The following BTRC variants were observed in gnomAD, a reference collection of about 807,000 sequenced individuals.
The protein encoded by BTRC is F-box/WD repeat-containing protein 1A.
BTRC carries 42 observed loss-of-function variants against 85.5 expected under a neutral mutation model. The ratio of observed to expected loss-of-function variants is 0.49; its 90% CI spans 0.38 to 0.64. The LOEUF (loss-of-function observed/expected upper bound fraction) is 0.64, where lower values mean the gene tolerates loss of function less well. BTRC is among the 30% of genes least tolerant of loss of function. The pLI, the probability that BTRC is intolerant of heterozygous loss-of-function variation, is 0.00. For synonymous variants in BTRC, 255 were observed against 263.3 expected (o/e 0.97, Z 0.30); for missense variants, 594 against 743.5 (o/e 0.80, Z 2.34).
intron 1 of BTRC, among the ~76,000 whole-genome samples, chr10:101,426,759 A>G (rs1057055310): frequency 1.3e-5 from 2 of 152,184 alleles, no homozygotes; most frequent in African/African-American, 4.8e-5. Flanking sequence ...TTTTAATTTT[A>G]AAAAGAGCCC....
At chr10:101,402,209 T>A (rs1158056531) in intron 1 of BTRC, among the ~76,000 whole-genome samples, 1 of 152,218 alleles carries the variant, frequency 6.6e-6, no homozygotes, top group Non-Finnish European at 1.5e-5. Flanking sequence ...GGTTATGTTT[T>A]TTTAAAGCAT....
chr10:101,370,667 T>C (rs1182133365), intron 1 of BTRC, among the ~76,000 whole-genome samples: 2 of 129,372 alleles, frequency 1.5e-5, no homozygotes, highest in African/African-American at 2.9e-5. Flanking sequence ...CCTCCTGGGC[T>C]CAAGCGATCC....
chr10:101,382,170 A>C lies in BTRC; in HGVS notation c.48+27942A>C, dbSNP rs1942951950. 3.3e-5 allele frequency among the ~76,000 whole-genome samples: 5 copies of C among 151,482 alleles called. No homozygotes were observed. In the South Asian group the frequency reaches 1.0e-3, roughly 32 times the overall value. On this transcript the variant is annotated intron_variant, in intron 1 of 14. Coordinates refer to ENST00000370187, the MANE Select transcript of BTRC (RefSeq NM_033637.4). ...GTTAATTTTTGTATTTTTAGTAGAG[A>C]TGGGGTTTCACCATGCTGGCCAGGC...
rs539013603 is a variant in BTRC, at chr10:101,488,582, C to T, written c.324+9125C>T. Among the ~76,000 whole-genome samples the T allele has an allele frequency of 3.3e-5, 5 of 152,228 alleles. No homozygotes were observed. In the South Asian group the frequency reaches 1.0e-3, roughly 32 times the overall value. ...GCCAAATCAGCTTCTGTTTCCTAGA[C>T]CTTTTTTGGAAGGCTTTAATTTTGG... On this transcript the variant is annotated intron_variant, in intron 4 of 14. Transcript: ENST00000370187.
At chr10:101,366,779 TATATA>T (rs1202583978) in intron 1 of BTRC, among the ~76,000 whole-genome samples, 92 of 109,868 alleles carry the variant, frequency 8.4e-4, no homozygotes, top group Non-Finnish European at 1.2e-3. Flanking sequence ...TATATATATA[TATATA>T]TATATTTTTA....
intron 4 of BTRC, among the ~76,000 whole-genome samples, chr10:101,503,530 C>G (rs1946445410): frequency 6.6e-6 from 1 of 152,082 alleles, no homozygotes; most frequent in Admixed American, 6.6e-5. Flanking sequence ...AAACAATTAC[C>G]AAAGTATTCC....
chr10:101,531,598 G>A (rs982174754), intron 7 of BTRC, among the ~76,000 whole-genome samples: 5 of 152,100 alleles, frequency 3.3e-5, no homozygotes, highest in African/African-American at 1.2e-4. Flanking sequence ...GCACACACCT[G>A]TAATTCCAGC....
intron 2 of BTRC, among the ~76,000 whole-genome samples, chr10:101,460,603 G>A (rs1450273067): frequency 6.6e-6 from 1 of 152,180 alleles, no homozygotes; most frequent in African/African-American, 2.4e-5. Context: ...GGCCTGTCAG[G>A]CTTACTAAAG....
intron 3 of BTRC, among the ~76,000 whole-genome samples, chr10:101,469,648 T>G (rs1008918615): frequency 6.6e-6 from 1 of 152,240 alleles, no homozygotes; most frequent in Non-Finnish European, 1.5e-5. Context: ...TTTACAGATA[T>G]TAATTGTATA....
chr10:101,400,372 A>G (rs1943464398), intron 1 of BTRC, among the ~76,000 whole-genome samples: 1 of 152,202 alleles, frequency 6.6e-6, no homozygotes, highest in Admixed American at 6.5e-5. Flanking sequence ...GGAGTACCCA[A>G]GAGGGCTGGG....
intron 1 of BTRC, among the ~76,000 whole-genome samples, chr10:101,371,511 G>T (rs1942634771): frequency 1.3e-5 from 2 of 152,100 alleles, no homozygotes; most frequent in South Asian, 4.1e-4. Context: ...GATTCCTCTA[G>T]ATACCTCATT....
At chr10:101,494,137 A>G (rs977680870) in intron 4 of BTRC, among the ~76,000 whole-genome samples, 2 of 152,222 alleles carry the variant, frequency 1.3e-5, no homozygotes, top group Non-Finnish European at 2.9e-5. Context: ...TTTCACCCCT[A>G]GTTTGAGCTG....
chr10:101,536,902 G>A (rs988539476), intron 12 of BTRC, among the ~76,000 whole-genome samples: 3 of 152,158 alleles, frequency 2.0e-5, no homozygotes, highest in African/African-American at 7.2e-5. Flanking sequence ...ATTTGGTTAT[G>A]TATTTGACTG....
intron 4 of BTRC, among the ~76,000 whole-genome samples, chr10:101,521,210 G>T (rs763700509): frequency 6.6e-6 from 1 of 152,178 alleles, no homozygotes; most frequent in Non-Finnish European, 1.5e-5. Flanking sequence ...GGAGCTGGAG[G>T]CTGCAGTGAG....
intron 4 of BTRC, among the ~76,000 whole-genome samples, chr10:101,491,283 A>G (rs1258811955): frequency 3.9e-5 from 6 of 152,220 alleles, no homozygotes; most frequent in Non-Finnish European, 8.8e-5. Flanking sequence ...TTGTTTTGGA[A>G]TACAGATTTT....
intron 13 of BTRC, among the ~76,000 whole-genome samples, chr10:101,547,576 T>G (rs769555233): frequency 1.3e-4 from 19 of 151,982 alleles, no homozygotes; most frequent in Non-Finnish European, 2.2e-4. Flanking sequence ...CCGGACCTCA[T>G]GATCCACCTG....
At chr10:101,422,655 A>G (rs1269100331) in intron 1 of BTRC, among the ~76,000 whole-genome samples, 2 of 152,216 alleles carry the variant, frequency 1.3e-5, no homozygotes, top group African/African-American at 4.8e-5. Flanking sequence ...GTAAGGTGTA[A>G]GGAAGAGATC....
At position 101,455,983 on chromosome 10, in the gene BTRC, A is replaced by ACACACACACACACACACACAC. The variant is rs1554881061; in HGVS notation, c.157-5998_157-5997insCACACACACACACACACACAC. On this transcript the variant is annotated intron_variant, in intron 2 of 14. Coordinates refer to ENST00000370187, the MANE Select transcript of BTRC (RefSeq NM_033637.4). ...ATGGTGAAACTCTGTCTCTACTAAA[A>ACACACACACACACACACACAC]ACACACACACACACACACACACACA... 2.9e-3 allele frequency among the ~76,000 whole-genome samples: 280 copies of ACACACACACACACACACACAC among 96,026 alleles called. 6 individuals carry two copies. Among genetic ancestry groups the ACACACACACACACACACACAC allele is most frequent in the Non-Finnish European group, 4.2e-3 (214 of 50,548 alleles). The allele number at this position is 96,026 out of a possible 152,430, so 63.0% of individuals were successfully genotyped here.
At chr10:101,494,472 TATATC>T (rs1946210839) in intron 4 of BTRC, among the ~76,000 whole-genome samples, 1 of 152,252 alleles carries the variant, frequency 6.6e-6, no homozygotes, top group Non-Finnish European at 1.5e-5. Flanking sequence ...AAATGTTTGC[TATATC>T]ATAACTCAAA....
Sources: allele counts gnomAD v4.1 joint callset (sites outside exome capture counted in the v4.1 genomes callset), GRCh38; gene constraint gnomAD v4.1.1; transcripts MANE v1.5; gene names NCBI Gene and HGNC (gene_info 2026-07-23, HGNC 2026-07-21).